The following FRMPD4 variants were observed in gnomAD, a reference collection of about 807,000 sequenced individuals.
FRMPD4 encodes the protein FERM and PDZ domain containing 4.
Under a neutral mutation model 94.1 loss-of-function variants are expected in FRMPD4, and 22 were observed. The observed-to-expected ratio is 0.23, with a 90% CI of 0.17 to 0.33. FRMPD4 has a LOEUF of 0.33. Ranked by LOEUF, FRMPD4 falls within the 10% of genes least tolerant of loss-of-function variation. FRMPD4 has a pLI of 1.00. For missense variants in FRMPD4, 1,111 were observed against 1,339.9 expected (o/e 0.83, Z 2.67); for synonymous variants, 631 against 548.6 (o/e 1.15, Z -2.10).
At chrX:12,567,200 A>G (rs1474204316) in intron 2 of FRMPD4, among the ~76,000 whole-genome samples, 7 of 112,047 alleles carry the variant, frequency 6.2e-5, no homozygotes, top group Non-Finnish European at 3.8e-5. Flanking sequence ...TACCTGCTGT[A>G]TTCCTACCAT....
rs774656493 is a variant in FRMPD4, at chrX:11,872,318, C to G, written c.-29-5577C>G. On this transcript the variant is annotated intron_variant, in intron 2 of 18. Transcript: ENST00000640291. Reference sequence around the variant, plus strand: ...CTTATCTGAACCTTGAACAATATTACTGAAGCATTTAGATTGAGAGAAAGA... The same window carrying G: ...CTTATCTGAACCTTGAACAATATTAGTGAAGCATTTAGATTGAGAGAAAGA... 1.2e-4 allele frequency among the ~76,000 whole-genome samples: 13 copies of G among 112,291 alleles called. 1 individual carries two copies. The highest frequency in any genetic ancestry group is 2.1e-4 in the Non-Finnish European group (11 of 53,272).
intron 1 of FRMPD4, among the ~76,000 whole-genome samples, chrX:12,268,446 A>G (rs1601759975): frequency 8.9e-6 from 1 of 112,179 alleles, no homozygotes; most frequent in Non-Finnish European, 1.9e-5. Flanking sequence ...GCAAAGTTCC[A>G]GTCTCAACTC....
chrX:12,573,240 T>C (rs1388692864), intron 2 of FRMPD4, among the ~76,000 whole-genome samples: 1 of 112,446 alleles, frequency 8.9e-6, no homozygotes, highest in African/African-American at 3.2e-5. Context: ...ACTGATCAAG[T>C]GCTTTGGCTT....
At chrX:12,434,965 G>A (rs1315780061) in intron 1 of FRMPD4, among the ~76,000 whole-genome samples, 1 of 112,643 alleles carries the variant, frequency 8.9e-6, no homozygotes, top group East Asian at 2.8e-4. Context: ...GATTTTGAAT[G>A]GGATTTTAGC....
intron 3 of FRMPD4, among the ~76,000 whole-genome samples, chrX:12,082,010 G>T (rs2055065905): frequency 8.9e-6 from 1 of 112,012 alleles, no homozygotes; most frequent in African/African-American, 3.2e-5. Flanking sequence ...CTGATAAACT[G>T]TTAAAGCAAA....
At chrX:12,309,152 C>T (rs2054991552) in intron 1 of FRMPD4, among the ~76,000 whole-genome samples, 1 of 111,734 alleles carries the variant, frequency 8.9e-6, no homozygotes, top group African/African-American at 3.3e-5. Flanking sequence ...TGGCTGGGTT[C>T]CAATACACCT....
Position 12,539,403 on chromosome X carries a change from G to T in FRMPD4, c.158+40607G>T, listed in dbSNP as rs181242872. 1.0e-3 allele frequency among the ~76,000 whole-genome samples: 115 copies of T among 111,627 alleles called. 1 individual carries two copies. Among genetic ancestry groups the T allele is most frequent in the African/African-American group, 3.5e-3 (108 of 30,740 alleles). On this transcript the variant is annotated intron_variant, in intron 2 of 16. Transcript: ENST00000675598. ...AGGAGAAATTCCCCAACCTAGCAAG[G>T]CAGGCCAACATTCAAACTCAGGAAA...
intron 1 of FRMPD4, among the ~76,000 whole-genome samples, chrX:12,247,517 G>A (rs1340755124): frequency 8.9e-6 from 1 of 111,830 alleles, no homozygotes; most frequent in East Asian, 2.8e-4. Context: ...GTATGTCTCA[G>A]GGGATAAACT....
At chrX:12,358,058 T>C (rs2055922007) in intron 1 of FRMPD4, among the ~76,000 whole-genome samples, 1 of 112,484 alleles carries the variant, frequency 8.9e-6, no homozygotes, top group Non-Finnish European at 1.9e-5. Context: ...CTATAACATG[T>C]ATCAGCACTT....
At chrX:12,084,413 G>T (rs751106934) in intron 3 of FRMPD4, among the ~76,000 whole-genome samples, 7 of 110,627 alleles carry the variant, frequency 6.3e-5, no homozygotes, top group African/African-American at 2.3e-4. Context: ...TCCCAGTTTT[G>T]GGTATGTCTT....
Position 12,613,532 on chromosome X carries a change from C to A in FRMPD4, c.320-1247C>A, listed in dbSNP as rs757046246. On this transcript the variant is annotated intron_variant, in intron 3 of 16. Transcript: ENST00000675598. ...ATGCTGAACAAATATTAGTTTCCTACTCCCTTCTTGGAAACAACGGAAAGA... is the reference window on the plus strand; with the variant it reads ...ATGCTGAACAAATATTAGTTTCCTAATCCCTTCTTGGAAACAACGGAAAGA... Among the ~76,000 whole-genome samples the A allele has an allele frequency of 2.9e-3, 329 of 112,656 alleles. 3 individuals carry two copies. The highest frequency in any genetic ancestry group is 0.01 in the African/African-American group (312 of 31,063).
Position 12,106,859 on chromosome X carries a change from C to A in FRMPD4, c.95+228841C>A, listed in dbSNP as rs752523184. On this transcript the variant is annotated intron_variant, in intron 3 of 18. Coordinates refer to the FRMPD4 transcript ENST00000640291. The stretch of plus-strand genomic sequence containing the variant: ...GGCAGCGAGGCTGGGGGAGGGGCGT[C>A]CTGCCATTGCTGAGGCTTGAGTGGG... Among the ~76,000 whole-genome samples the A allele has an allele frequency of 6.8e-4, 76 of 112,010 alleles. 1 individual carries two copies. Among genetic ancestry groups the A allele is most frequent in the African/African-American group, 2.4e-3 (74 of 30,894 alleles).
intron 2 of FRMPD4, among the ~76,000 whole-genome samples, chrX:12,511,559 T>G (rs2148250262): frequency 9.1e-6 from 1 of 109,313 alleles, no homozygotes; most frequent in African/African-American, 3.3e-5. Context: ...AAAAACAAAC[T>G]TAAAGACAGA....
At chrX:12,301,690 C>T (rs2054861642) in intron 1 of FRMPD4, among the ~76,000 whole-genome samples, 1 of 112,433 alleles carries the variant, frequency 8.9e-6, no homozygotes, top group South Asian at 3.7e-4. Flanking sequence ...CTGAAGGACA[C>T]TTGTACCCCT....
chrX:11,825,998 CAA>C (rs1456089433), intron 1 of FRMPD4, among the ~76,000 whole-genome samples: 1 of 111,941 alleles, frequency 8.9e-6, no homozygotes, highest in Admixed American at 9.5e-5. Context: ...TTATAAAAGA[CAA>C]AATAATATCT....
chrX:12,141,782 C>T (rs990279154), intron 1 of FRMPD4, among the ~76,000 whole-genome samples: 12 of 112,129 alleles, frequency 1.1e-4, no homozygotes, highest in African/African-American at 3.9e-4. Context: ...TTTTACTTCA[C>T]TGTTTCCTTG....
chrX:12,679,515 A>G (rs1404252808), intron 5 of FRMPD4, among the ~76,000 whole-genome samples: 2 of 111,457 alleles, frequency 1.8e-5, no homozygotes, highest in East Asian at 2.8e-4. Context: ...AAATGTTACT[A>G]AGTCACAGTC....
At chrX:12,475,859 A>G (rs1939077523) in intron 1 of FRMPD4, among the ~76,000 whole-genome samples, 1 of 111,693 alleles carries the variant, frequency 9.0e-6, no homozygotes, top group Non-Finnish European at 1.9e-5. Context: ...GGGTAGGAAG[A>G]ATCAATATTG....
intron 5 of FRMPD4, among the ~76,000 whole-genome samples, chrX:12,682,661 T>G (rs1163900096): frequency 1.8e-5 from 2 of 112,110 alleles, no homozygotes; most frequent in African/African-American, 6.5e-5. Flanking sequence ...GATTCTCAGA[T>G]AAAGTGACTT....
Sources: allele counts gnomAD v4.1 joint callset (sites outside exome capture counted in the v4.1 genomes callset), GRCh38; gene constraint gnomAD v4.1.1; transcripts MANE v1.5; gene names NCBI Gene and HGNC (gene_info 2026-07-23, HGNC 2026-07-21).